The following CLNK variants were observed in gnomAD, a reference collection of about 807,000 sequenced individuals.
CLNK encodes cytokine-dependent hematopoietic cell linker.
In CLNK, 74 loss-of-function variants were observed where a neutral mutation model predicts 68.6. That is an observed-to-expected ratio of 1.08 (90% CI 0.89 to 1.31). The LOEUF (loss-of-function observed/expected upper bound fraction) is 1.31, where lower values mean the gene tolerates loss of function less well. Among genes scored for constraint, CLNK ranks in the 50% most tolerant of loss-of-function variants. The probability of loss-of-function intolerance (pLI) is 0.00; values close to 1 mark genes in which losing one functional copy is unlikely to be tolerated. For synonymous variants in CLNK, 198 were observed against 172.2 expected (o/e 1.15, Z -1.17); for missense variants, 553 against 515.3 (o/e 1.07, Z -0.71).
At chr4:10,701,627 C>T in the CLNK span, among the ~76,000 whole-genome samples, 1 of 152,120 alleles carries the variant, frequency 6.6e-6, no homozygotes, top group East Asian at 1.9e-4. Context: ...TCCTAAGAAA[C>T]ACTTAAACAG....
At chr4:10,720,362 T>A in the CLNK span, among the ~76,000 whole-genome samples, 1 of 151,974 alleles carries the variant, frequency 6.6e-6, no homozygotes, top group Non-Finnish European at 1.5e-5. Context: ...ACTAGGAACA[T>A]CACTACAAAT....
At chr4:10,621,617 A>C (rs1451103185) in intron 2 of CLNK, among the ~76,000 whole-genome samples, 2 of 152,208 alleles carry the variant, frequency 1.3e-5, no homozygotes, top group African/African-American at 4.8e-5. Flanking sequence ...AGATTTGATA[A>C]GCCAATGTCA....
intron 4 of CLNK, among the ~76,000 whole-genome samples, chr4:10,574,112 T>C (rs1720458840): frequency 6.6e-6 from 1 of 152,220 alleles, no homozygotes; most frequent in Non-Finnish European, 1.5e-5. Context: ...GTGTCATCAG[T>C]GCAGAGTTTT....
chr4:10,595,383 A>G (rs1721347455), intron 3 of CLNK, among the ~76,000 whole-genome samples: 1 of 152,202 alleles, frequency 6.6e-6, no homozygotes, highest in Non-Finnish European at 1.5e-5. Flanking sequence ...CATTATAGAC[A>G]TGAGGAAACA....
chr4:10,550,518 T>G (rs561050389), intron 8 of CLNK, among the ~76,000 whole-genome samples: 154 of 151,938 alleles, frequency 1.0e-3, no homozygotes, highest in Middle Eastern at 3.4e-3. Flanking sequence ...AAATAAAAAA[T>G]TACATAAACA....
At chr4:10,568,875 G>A (rs990325748) in intron 5 of CLNK, among the ~76,000 whole-genome samples, 2 of 152,200 alleles carry the variant, frequency 1.3e-5, no homozygotes, top group Non-Finnish European at 2.9e-5. Context: ...AAATGGTCAA[G>A]CTGCCAAATC....
chr4:10,572,571 A>G (rs61495782), intron 4 of CLNK, among the ~76,000 whole-genome samples: 2 of 152,192 alleles, frequency 1.3e-5, no homozygotes, highest in Admixed American at 1.3e-4. Context: ...ACAATTTTTT[A>G]AAAATTTCCT....
intron 2 of CLNK, among the ~76,000 whole-genome samples, chr4:10,665,060 A>C (rs1724336815): frequency 6.6e-6 from 1 of 152,210 alleles, no homozygotes. Flanking sequence ...GTTATTCTTC[A>C]AGGCAGGTTC....
At chr4:10,532,039 A>G (rs955264057) in intron 12 of CLNK, among the ~76,000 whole-genome samples, 2 of 152,198 alleles carry the variant, frequency 1.3e-5, no homozygotes, top group African/African-American at 4.8e-5. Context: ...ACCCTGAATG[A>G]CCATGGTGGC....
chr4:10,624,811 C>T (rs1370499938), intron 2 of CLNK, among the ~76,000 whole-genome samples: 1 of 151,986 alleles, frequency 6.6e-6, no homozygotes, highest in Non-Finnish European at 1.5e-5. Context: ...AGGAACACAC[C>T]TTGGGAAATG....
chr4:10,589,387 G>T (rs957767629), intron 3 of CLNK, among the ~76,000 whole-genome samples: 1 of 152,164 alleles, frequency 6.6e-6, no homozygotes, highest in Non-Finnish European at 1.5e-5. Flanking sequence ...TGTCAAATTT[G>T]TCTGAAAGTG....
the CLNK span, among the ~76,000 whole-genome samples, chr4:10,707,185 C>G: frequency 6.6e-6 from 1 of 152,120 alleles, no homozygotes; most frequent in Non-Finnish European, 1.5e-5. Flanking sequence ...GAAGAATTGT[C>G]TTGGACCACA....
chr4:10,507,436 TTTTATTTATTTATTTA>T (rs113177804), intron 17 of CLNK, among the ~76,000 whole-genome samples: 56,748 of 142,668 alleles, frequency 0.4, 11,881 homozygotes, highest in African/African-American at 0.54. Context: ...TGTTTTCTGT[TTTTATTTATTTATTTA>T]TTTATTTATT....
chr4:10,559,037 G>T (rs557506946), intron 7 of CLNK, among the ~76,000 whole-genome samples: 1 of 152,128 alleles, frequency 6.6e-6, no homozygotes, highest in African/African-American at 2.4e-5. Context: ...GCACTGTGCC[G>T]AGAACACAGG....
rs1411908883 is a variant in CLNK, at chr4:10,490,764, GGTTT to G, written c.1141-155_1141-152del. 1.7e-3 allele frequency among the ~76,000 whole-genome samples: 266 copies of G among 152,102 alleles called. 1 individual carries two copies. Among genetic ancestry groups the G allele is most frequent in the Non-Finnish European group, 4.6e-4 (31 of 67,948 alleles). ...AAAGGTGTTTCAGGAAGTGGTTTTT[GGTTT>G]GTTTGTTTTTTTCTGAGACGTTGTT... is the stretch of plus-strand genomic sequence containing the variant. On this transcript the variant is annotated intron_variant, in intron 18 of 18. Transcript: ENST00000226951.
the CLNK span, among the ~76,000 whole-genome samples, chr4:10,724,381 A>T: frequency 6.6e-6 from 1 of 152,118 alleles, no homozygotes; most frequent in African/African-American, 2.4e-5. Context: ...CTATGCTCAG[A>T]ATTTGAATCC....
intron 18 of CLNK, among the ~76,000 whole-genome samples, chr4:10,491,017 G>A (rs1456558849): frequency 2.6e-5 from 4 of 152,056 alleles, no homozygotes; most frequent in Non-Finnish European, 4.4e-5. Flanking sequence ...CACCCGCCTC[G>A]GCATCCCAAA....
chr4:10,547,707 G>C (rs1358633869), intron 8 of CLNK, among the ~76,000 whole-genome samples: 1 of 152,046 alleles, frequency 6.6e-6, no homozygotes, highest in Non-Finnish European at 1.5e-5. Flanking sequence ...GAGTTTGACT[G>C]TGTTAGGTTC....
chr4:10,542,345 C>T (rs927348948), intron 8 of CLNK, 65 bp from the exon 9 acceptor site: 21 of 1,025,196 alleles, frequency 2.0e-5, no homozygotes, highest in South Asian at 4.5e-5. Flanking sequence ...ATTTTATACA[C>T]GCTTACATGA....
Sources: gnomAD v4.1 joint callset for allele counts (sites outside exome capture counted in the v4.1 genomes callset) on GRCh38, gnomAD v4.1.1 for gene constraint, MANE v1.5 for transcripts, NCBI Gene and HGNC (gene_info 2026-07-23, HGNC 2026-07-21) for gene names.